Variants in MED13 observed in about 807,000 individuals in gnomAD.
MED13 encodes mediator complex subunit 13.
A neutral mutation model predicts 225.2 loss-of-function variants in MED13; 23 were observed. The observed-to-expected ratio is 0.10, with a 90% confidence interval of 0.07 to 0.14. The LOEUF (loss-of-function observed/expected upper bound fraction) is 0.14. Among genes scored for constraint, MED13 ranks in the 10% least tolerant of loss-of-function variants. MED13 has a pLI of 1.00. For synonymous variants in MED13, 942 were observed against 889.2 expected (o/e 1.06, Z -1.06); for missense variants, 2,197 against 2,594.5 (o/e 0.85, Z 3.33).
rs565458651 is a variant in MED13, at chr17:62,040,100, T to C, written c.471-4492A>G. 5.3e-5 allele frequency among the ~76,000 whole-genome samples: 8 copies of C among 152,310 alleles called. No individual in the cohort carries two copies. In the South Asian group the frequency reaches 1.7e-3, roughly 32 times the overall value. ...CGAAATCCTTATATTAAAGGCAATA[T>C]TCTAGTCAGAGAATATTATAAAACA... On this transcript the variant is annotated intron_variant, in intron 3 of 29. Coordinates refer to ENST00000397786, the MANE Select transcript of MED13 (RefSeq NM_005121.3).
intron 23 of MED13, among the ~76,000 whole-genome samples, chr17:61,958,190 C>G (rs1003332108): frequency 1.3e-5 from 2 of 151,436 alleles, no homozygotes; most frequent in South Asian, 4.2e-4. Flanking sequence ...TTTTTTGACA[C>G]GGAGTCTAAC....
rs750370871 is a variant in MED13 at position 61,961,556 on chromosome 17, T to C, written c.5256+32A>G. On this transcript the variant is annotated intron_variant, in intron 22 of 29. Transcript: ENST00000397786. The stretch of plus-strand genomic sequence containing the variant: ...AAAAAAAAAAAGGTATGTATAGTCA[T>C]TGAACTTCGGTCATGAAAAACATAT... The C allele has an allele frequency of 4.8e-5, 70 of 1,457,184 alleles. No homozygotes were observed. The South Asian group carries it at 6.3e-4, about 13-fold the overall frequency. 90.3% of individuals were successfully genotyped at this position (1,457,184 alleles called of 1,614,324 possible). A position where few individuals can be genotyped will look rare whatever the true frequency, so the allele number is the denominator to read the frequency against.
chr17:62,012,986 T>C (rs2080526506), intron 8 of MED13, among the ~76,000 whole-genome samples: 1 of 151,768 alleles, frequency 6.6e-6, no homozygotes, highest in South Asian at 2.1e-4. Flanking sequence ...AGAGACGGGG[T>C]TTCACCATGT....
At position 62,063,241 on chromosome 17, in the gene MED13, T is replaced by G. The variant is rs753884067; in HGVS notation, c.127A>C (p.Ile43Leu). The change falls in exon 2 of 30, where the codon ATT becomes CTT. Residue 43 changes from isoleucine (I) to leucine (L), a missense_variant. This residue lies in a region of MED13 where 884 missense variants were observed against 918.5 expected (regional missense o/e 0.96). Coordinates refer to ENST00000397786, the MANE Select transcript of MED13 (RefSeq NM_005121.3). ...TCTTCTTCTGTCACAGGAAACAGAA[T>G]AGGGGCAGAAGTTGGGCCTTGCCAT... ...YVWQGPTSAPILFPVTEEDPI... is the reference protein window; with the variant it reads ...YVWQGPTSAPLLFPVTEEDPI... 7 of 1,614,152 alleles carry G rather than the reference T, an allele frequency of 4.3e-6. No individual in the cohort carries two copies. Among genetic ancestry groups the G allele is most frequent in the Middle Eastern group, 1.6e-4 (1 of 6,062 alleles).
chr17:61,961,207 A>G, intron 22 of MED13, 117 bp from the exon 23 acceptor site: 1 of 933,010 alleles, frequency 1.1e-6, no homozygotes, highest in South Asian at 1.7e-5. Flanking sequence ...CAGCTAAGCC[A>G]AAAATTGCAC....
intron 8 of MED13, among the ~76,000 whole-genome samples, chr17:62,015,494 G>A (rs1390194081): frequency 6.6e-6 from 1 of 152,048 alleles, no homozygotes; most frequent in Non-Finnish European, 1.5e-5. Flanking sequence ...GTGAAAGAAA[G>A]CAACAGGCAG....
In MED13 at chr17:62,052,550, G is replaced by T; in HGVS notation, c.457C>A (p.Pro153Thr). Reference protein sequence around the residue: ...FVKPYEKDEKPINKSEHLSCS... With the variant: ...FVKPYEKDEKTINKSEHLSCS... ...AAGATAGCTTACCTTTTATTTATAG[G>T]TTTTTCATCTTTTTCATAAGGCTTT... The change falls in exon 3 of 30, where the codon CCT becomes ACT. Residue 153 changes from proline to threonine, a missense_variant. Around this residue, in one of 12 missense-constraint regions of MED13, gnomAD observed 884 missense variants for 918.5 expected, o/e 0.96. Transcript: ENST00000397786. 6.3e-7 allele frequency: 1 copy of T among 1,576,520 alleles called. No homozygotes were observed. The highest frequency in any genetic ancestry group is 8.6e-7 in the Non-Finnish European group (1 of 1,162,702).
intron 8 of MED13, among the ~76,000 whole-genome samples, chr17:62,025,890 TA>T (rs2080696731): frequency 6.6e-6 from 1 of 152,348 alleles, no homozygotes; most frequent in African/African-American, 2.4e-5. Context: ...GCCAGACTTT[TA>T]AAAATTACGT....
intron 11 of MED13, among the ~76,000 whole-genome samples, chr17:61,988,964 C>A (rs1432003458): frequency 1.3e-5 from 2 of 152,064 alleles, no homozygotes; most frequent in East Asian, 3.9e-4. Flanking sequence ...CATTCCCCTA[C>A]CCCCAGTCTC....
At chr17:61,947,504 T>TA (rs1455410457) in intron 28 of MED13, among the ~76,000 whole-genome samples, 1 of 152,200 alleles carries the variant, frequency 6.6e-6, no homozygotes, top group Non-Finnish European at 1.5e-5. Flanking sequence ...ATTGAGTAGT[T>TA]AAACCTGAGT....
intron 8 of MED13, among the ~76,000 whole-genome samples, chr17:62,013,419 A>G (rs1477504988): frequency 6.6e-6 from 1 of 152,158 alleles, no homozygotes; most frequent in African/African-American, 2.4e-5. Context: ...TTAACAGAAT[A>G]AAAGAAAACC....
At chr17:62,016,182 A>C (rs2080578981) in intron 8 of MED13, among the ~76,000 whole-genome samples, 1 of 149,072 alleles carries the variant, frequency 6.7e-6, no homozygotes, top group Admixed American at 6.7e-5. Flanking sequence ...CAACAACAAA[A>C]AAAAAAACCC....
At chr17:62,016,399 TCC>T (rs1168098301) in intron 8 of MED13, among the ~76,000 whole-genome samples, 1 of 152,044 alleles carries the variant, frequency 6.6e-6, no homozygotes, top group Non-Finnish European at 1.5e-5. Flanking sequence ...AGGAGATGCA[TCC>T]CCCTCATCAA....
At position 61,944,228 on chromosome 17, in the gene MED13, T is replaced by C. The variant is rs1012944946; in HGVS notation, c.*2240A>G. The C allele has an allele frequency of 2.6e-5, 4 of 152,578 alleles. 1 individual carries two copies. Among genetic ancestry groups the C allele is most frequent in the African/African-American group, 7.2e-5 (3 of 41,440 alleles). 9.5% of individuals were successfully genotyped at this position (152,578 alleles called of 1,614,324 possible). On this transcript the variant is annotated 3_prime_UTR_variant, in exon 30 of 30. Transcript: ENST00000397786. Reference sequence around the variant, plus strand: ...GAATAATTTTAAATCTACTTTCAAATTGAGGTGTGGTTATCATAGGTTAGT... The same window carrying C: ...GAATAATTTTAAATCTACTTTCAAACTGAGGTGTGGTTATCATAGGTTAGT...
rs936778322 is a variant in MED13 at position 62,011,361 on chromosome 17, T to C, written c.1284-128A>G. 7.5e-5 allele frequency: 62 copies of C among 829,956 alleles called. No individual in the cohort carries two copies. In the East Asian group the frequency reaches 1.7e-3, roughly 23 times the overall value. 51.4% of individuals were successfully genotyped at this position (829,956 alleles called of 1,614,324 possible). A position where few individuals can be genotyped will look rare whatever the true frequency, so the allele number is the denominator to read the frequency against. On this transcript the variant is annotated intron_variant, in intron 8 of 29. Coordinates refer to ENST00000397786, the MANE Select transcript of MED13 (RefSeq NM_005121.3). ...ACATGTAATACTAAAAGTAAAATAATTTGAATTTGAAAGGGGAAAAAAATA... is the reference window on the plus strand; with the variant it reads ...ACATGTAATACTAAAAGTAAAATAACTTGAATTTGAAAGGGGAAAAAAATA...
In MED13 at chr17:62,033,703, T is replaced by G; in HGVS notation, c.814+84A>C. 2.3e-6 allele frequency: 3 copies of G among 1,298,678 alleles called. 1 individual carries two copies. Among genetic ancestry groups the G allele is most frequent in the South Asian group, 2.8e-5 (2 of 72,490 alleles). 80.4% of individuals were successfully genotyped at this position (1,298,678 alleles called of 1,614,324 possible). ...TTGGTGTTGAAAGCCACTGAGTTATTAGACTTGTTTGTTATTCAGCAAAAT... is the reference window on the plus strand; with the variant it reads ...TTGGTGTTGAAAGCCACTGAGTTATGAGACTTGTTTGTTATTCAGCAAAAT... On this transcript the variant is annotated intron_variant, in intron 5 of 29. Transcript: ENST00000397786.
chr17:61,963,118 C>T (rs528579352), intron 20 of MED13, 147 bp from the exon 21 acceptor site: 123 of 598,252 alleles, frequency 2.1e-4, no homozygotes, highest in African/African-American at 2.0e-3. Context: ...ATTTCTTTCT[C>T]GCCAAAATGA....
At chr17:62,039,616 A>C in intron 3 of MED13, among the ~76,000 whole-genome samples, 1 of 128,308 alleles carries the variant, frequency 7.8e-6, no homozygotes, top group Non-Finnish European at 1.6e-5. Flanking sequence ...TTTTTGAGAC[A>C]GTTTCACTCT....
chr17:61,979,564 C>T (rs2080185679), intron 16 of MED13, among the ~76,000 whole-genome samples: 1 of 152,102 alleles, frequency 6.6e-6, no homozygotes, highest in African/African-American at 2.4e-5. Flanking sequence ...CTGCCTCAGC[C>T]TCCCAAATGC....
Sources: allele counts gnomAD v4.1 joint callset (sites outside exome capture counted in the v4.1 genomes callset), GRCh38; gene constraint gnomAD v4.1.1; regional missense constraint gnomAD v4.1.1; transcripts MANE v1.5; gene names NCBI Gene and HGNC (gene_info 2026-07-23, HGNC 2026-07-21).